Variants in PABIR3 observed in about 807,000 individuals in gnomAD.
The protein encoded by PABIR3 is PABIR family member 3.
PABIR3 carries 20 observed loss-of-function variants against 23.1 expected under a neutral mutation model. The observed-to-expected ratio is 0.86, with a 90% CI of 0.61 to 1.26. The LOEUF is 1.26. PABIR3 is among the 50% of genes most tolerant of loss of function. The pLI is 0.00. For missense variants in PABIR3, 189 were observed against 195.4 expected (o/e 0.97, Z 0.20); for synonymous variants, 69 against 68.5 (o/e 1.01, Z -0.04).
chrX:134,842,829 C>G (rs1172189745), intron 4 of PABIR3, among the ~76,000 whole-genome samples: 15 of 107,977 alleles, frequency 1.4e-4, no homozygotes, highest in African/African-American at 4.1e-4. Context: ...ATCCGGGAGG[C>G]AGAGGTTGCA....
chrX:134,852,205 T>G (rs772490016), intron 9 of PABIR3, among the ~76,000 whole-genome samples: 40 of 112,449 alleles, frequency 3.6e-4, no homozygotes, highest in African/African-American at 1.3e-3. Context: ...CCGGGCACAG[T>G]GGCTCACGCC....
chrX:134,821,244 TAAAAAAAAA>T, intron 3 of PABIR3: 1 of 570,944 alleles, frequency 1.8e-6, no homozygotes, highest in Non-Finnish European at 2.4e-6. Context: ...CCAAGCATTG[TAAAAAAAAA>T]AAAAAAAAAA....
rs954260284 is a variant in PABIR3, at chrX:134,854,291, A to G, written c.*74A>G. 1.9e-6 allele frequency: 2 copies of G among 1,080,088 alleles called. No homozygotes were observed. Among genetic ancestry groups the G allele is most frequent in the Admixed American group, 2.8e-5 (1 of 36,346 alleles). The allele number at this position is 1,080,088 out of a possible 1,213,427, so 89.0% of individuals were successfully genotyped here. On this transcript the variant is annotated 3_prime_UTR_variant, in exon 11 of 11. Coordinates refer to ENST00000645433, the MANE Select transcript of PABIR3 (RefSeq NM_001388447.1). Reference sequence around the variant, plus strand: ...CAGTGGAGAAACACACACATCAAGCAAACCAAGTCAGAGCAATGAGAATTG... The same window carrying G: ...CAGTGGAGAAACACACACATCAAGCGAACCAAGTCAGAGCAATGAGAATTG...
chrX:134,815,097 C>T (rs1017489913), intron 3 of PABIR3, among the ~76,000 whole-genome samples: 4 of 111,722 alleles, frequency 3.6e-5, no homozygotes, highest in Non-Finnish European at 1.9e-5. Context: ...ACATTGACTA[C>T]AGTTATGATT....
At chrX:134,841,124 G>T (rs2082216505) in intron 4 of PABIR3, among the ~76,000 whole-genome samples, 1 of 109,300 alleles carries the variant, frequency 9.1e-6, no homozygotes, top group Non-Finnish European at 1.9e-5. Context: ...CATGTGCCCG[G>T]CTAATTTTTT....
upstream of PABIR3, among the ~76,000 whole-genome samples, chrX:134,803,702 C>A (rs1210966766): frequency 2.7e-5 from 3 of 111,692 alleles, no homozygotes; most frequent in African/African-American, 6.5e-5. Flanking sequence ...GTCTCAGCAA[C>A]CCTTAAGGCC....
At chrX:134,810,146 T>C in intron 2 of PABIR3, 1 of 754,118 alleles carries the variant, frequency 1.3e-6, no homozygotes, top group South Asian at 6.7e-5. Flanking sequence ...ATGGAAGATG[T>C]GTACTGGAAG....
Position 134,852,474 on chromosome X carries a change from A to AAATAATAAT in PABIR3, c.590-309_590-301dup, listed in dbSNP as rs772647507. On this transcript the variant is annotated intron_variant, in intron 9 of 10. Coordinates refer to ENST00000645433, the MANE Select transcript of PABIR3 (RefSeq NM_001388447.1). ...TGGGTGACAGAGCGACTTCTTCACA[A>AAATAATAAT]AATAATAATAATAATAATAATAATA... Among the ~76,000 whole-genome samples the AAATAATAAT allele has an allele frequency of 1.8e-3, 200 of 108,659 alleles. 1 individual carries two copies. The highest frequency in any genetic ancestry group is 6.5e-3 in the African/African-American group (194 of 29,847). The allele number at this position is 108,659 out of a possible 115,157, so 94.4% of individuals were successfully genotyped here. A position where few individuals can be genotyped will look rare whatever the true frequency, so the allele number is the denominator to read the frequency against.
chrX:134,831,174 C>T (rs1490415944), intron 4 of PABIR3, among the ~76,000 whole-genome samples: 1 of 109,927 alleles, frequency 9.1e-6, no homozygotes, highest in East Asian at 2.9e-4. Context: ...TCAAGGGATT[C>T]TCCTGCCTCA....
downstream of PABIR3, among the ~76,000 whole-genome samples, chrX:134,857,508 C>A: frequency 9.0e-6 from 1 of 111,562 alleles, no homozygotes; most frequent in East Asian, 2.8e-4. Flanking sequence ...GTTAGAATTT[C>A]AAGATACCTT....
At chrX:134,817,165 C>T (rs181530880) in intron 3 of PABIR3, among the ~76,000 whole-genome samples, 3 of 111,280 alleles carry the variant, frequency 2.7e-5, no homozygotes, top group African/African-American at 9.8e-5. Flanking sequence ...GTGAGACTTT[C>T]TCTCAAAACA....
At chrX:134,807,196 G>A, upstream of PABIR3, 1 of 808,677 alleles carries the variant, frequency 1.2e-6, no homozygotes, top group Non-Finnish European at 1.5e-6. Flanking sequence ...TCTGAGGGGC[G>A]GGACCCAACT....
chrX:134,805,148 A>G, upstream of PABIR3, among the ~76,000 whole-genome samples: 1 of 112,033 alleles, frequency 8.9e-6, no homozygotes, highest in Non-Finnish European at 1.9e-5. Flanking sequence ...TTTTTACTTA[A>G]ACAGAAGGGC....
At chrX:134,803,490 C>T (rs766048774), upstream of PABIR3, among the ~76,000 whole-genome samples, 7 of 112,459 alleles carry the variant, frequency 6.2e-5, no homozygotes, top group Non-Finnish European at 9.4e-5. Flanking sequence ...TTTTGCCTGC[C>T]TCTTTTCAAT....
intron 1 of PABIR3, among the ~76,000 whole-genome samples, chrX:134,798,578 C>A (rs2079976557): frequency 8.9e-6 from 1 of 112,366 alleles, no homozygotes; most frequent in Non-Finnish European, 1.9e-5. Flanking sequence ...AATGACAAAT[C>A]TTTGACACTG....
At position 134,801,395 on chromosome X, in the gene PABIR3, CT is replaced by C. The variant is rs781380811; in HGVS notation, c.-97-2704del. Among the ~76,000 whole-genome samples, 40 of 112,046 alleles carry C rather than the reference CT, an allele frequency of 3.6e-4. No homozygotes were observed. The East Asian group carries it at 0.011, about 30-fold the overall frequency. On this transcript the variant is annotated intron_variant, in intron 1 of 4. Coordinates refer to the PABIR3 transcript ENST00000414371. ...AATACTTGCCACCTCCAGAGTTGCC[CT>C]TGGTTTTGTTTTGTTGATGACTCAT...
intron 6 of PABIR3, among the ~76,000 whole-genome samples, chrX:134,846,696 G>A (rs927362534): frequency 8.9e-6 from 1 of 111,957 alleles, no homozygotes; most frequent in African/African-American, 3.2e-5. Flanking sequence ...GTAGGTCCAG[G>A]AGAATGAGTA....
chrX:134,805,770 G>T (rs773927393), upstream of PABIR3, among the ~76,000 whole-genome samples: 2 of 111,121 alleles, frequency 1.8e-5, no homozygotes, highest in East Asian at 5.6e-4. Context: ...GGTGGCACAT[G>T]CCTGTAATCC....
chrX:134,839,965 G>A (rs1467186719), intron 4 of PABIR3, among the ~76,000 whole-genome samples: 11 of 112,792 alleles, frequency 9.8e-5, no homozygotes, highest in African/African-American at 3.5e-4. Flanking sequence ...TGGTTGCCGT[G>A]TCTGTGTAGA....
Sources: gnomAD v4.1 joint callset for allele counts (sites outside exome capture counted in the v4.1 genomes callset) on GRCh38, gnomAD v4.1.1 for gene constraint, MANE v1.5 for transcripts, NCBI Gene and HGNC (gene_info 2026-07-23, HGNC 2026-07-21) for gene names.